The following ERICH5 variants were observed in gnomAD, a reference collection of about 807,000 sequenced individuals.
ERICH5 encodes the protein glutamate rich 5, also known as glutamate-rich protein 5.
A neutral mutation model predicts 28.0 loss-of-function variants in ERICH5; 24 were observed. That is an observed-to-expected ratio of 0.86 (90% CI 0.62 to 1.21). The LOEUF is 1.21. ERICH5 is among the 50% of genes most tolerant of loss of function. The pLI is 0.00. For synonymous variants in ERICH5, 163 were observed against 157.6 expected (o/e 1.03, Z -0.25); for missense variants, 421 against 441.2 (o/e 0.95, Z 0.41).
At chr8:98,085,384 C>G (rs1815257176) in intron 1 of ERICH5, among the ~76,000 whole-genome samples, 1 of 151,638 alleles carries the variant, frequency 6.6e-6, no homozygotes, top group African/African-American at 2.4e-5. Flanking sequence ...AGGATGGTCT[C>G]GATATCCTGA....
intron 1 of ERICH5, among the ~76,000 whole-genome samples, chr8:98,072,381 G>C (rs1814934487): frequency 6.6e-6 from 1 of 152,134 alleles, no homozygotes; most frequent in Non-Finnish European, 1.5e-5. Flanking sequence ...ATGCCTGTGA[G>C]CACAGCACTT....
intron 1 of ERICH5, among the ~76,000 whole-genome samples, chr8:98,077,960 A>G (rs1016380466): frequency 4.6e-5 from 7 of 152,356 alleles, no homozygotes; most frequent in Non-Finnish European, 7.3e-5. Flanking sequence ...CGAATTCTAG[A>G]TATGTAAATT....
intron 1 of ERICH5, among the ~76,000 whole-genome samples, chr8:98,077,033 C>A (rs1815067200): frequency 6.6e-6 from 1 of 151,814 alleles, no homozygotes; most frequent in South Asian, 2.1e-4. Context: ...AAGGCCAACG[C>A]AGGAGGATCG....
At position 98,066,768 on chromosome 8, in the gene ERICH5, T is replaced by A. The variant is rs7819387; in HGVS notation, c.58+2041T>A. Among the ~76,000 whole-genome samples, 1,141 of 152,346 alleles carry A rather than the reference T, an allele frequency of 7.5e-3. 8 individuals are homozygous for A. Among genetic ancestry groups the A allele is most frequent in the African/African-American group, 0.026 (1,070 of 41,568 alleles). ...TCGATCAAACAATACTCTCTTGTAA[T>A]TAGATACTATTCTGTGTTCATCAAC... On this transcript the variant is annotated intron_variant, in intron 1 of 2. Coordinates refer to ENST00000318528, the MANE Select transcript of ERICH5 (RefSeq NM_173549.3).
Position 98,089,280 on chromosome 8 carries a change from T to C in ERICH5, c.263T>C (p.Val88Ala). Reference protein sequence around the residue: ...PLQEQPLAKDVAPGRDATDQS... With the variant: ...PLQEQPLAKDAAPGRDATDQS... ...CAAGAACAGCCCCTGGCCAAGGACG[T>C]AGCCCCTGGAAGGGATGCCACAGAC... The change falls in exon 2 of 3, where the codon GTA becomes GCA. Residue 88 changes from valine to alanine, a missense_variant. By Grantham distance (64) the Val-to-Ala change is moderately conservative. Transcript: ENST00000318528. 1.2e-6 allele frequency: 2 copies of C among 1,614,172 alleles called. No individual in the cohort carries two copies. Among genetic ancestry groups the C allele is most frequent in the Non-Finnish European group, 1.7e-6 (2 of 1,180,018 alleles).
intron 1 of ERICH5, among the ~76,000 whole-genome samples, chr8:98,081,088 C>T (rs1815176332): frequency 6.7e-6 from 1 of 148,344 alleles, no homozygotes; most frequent in Non-Finnish European, 1.5e-5. Flanking sequence ...TAATTTCTTT[C>T]TCTCTCTCTC....
At position 98,093,405 on chromosome 8, in the gene ERICH5, A is replaced by G; in HGVS notation, c.*72A>G. 1.0e-6 allele frequency: 1 copy of G among 980,684 alleles called. No individual in the cohort carries two copies. Among genetic ancestry groups the G allele is most frequent in the South Asian group, 1.5e-5 (1 of 65,796 alleles). 60.7% of individuals were successfully genotyped at this position (980,684 alleles called of 1,614,324 possible). A position where few individuals can be genotyped will look rare whatever the true frequency, so the allele number is the denominator to read the frequency against. ...ATGGTAGTGAAGCTTGTGGTTATGT[A>G]TCTTATCTTTCTACATTTACATGTT... is the stretch of plus-strand genomic sequence containing the variant. On this transcript the variant is annotated 3_prime_UTR_variant, in exon 3 of 3. Coordinates refer to ENST00000318528, the MANE Select transcript of ERICH5 (RefSeq NM_173549.3).
chr8:98,078,618 T>C (rs1480330352), intron 1 of ERICH5, among the ~76,000 whole-genome samples: 1 of 152,232 alleles, frequency 6.6e-6, no homozygotes, highest in Non-Finnish European at 1.5e-5. Context: ...TTAGTTCTAA[T>C]CCCTTCTGTA....
intron 1 of ERICH5, among the ~76,000 whole-genome samples, chr8:98,080,773 G>GCTCACTACAACCTCTGC (rs1815169372): frequency 7.0e-6 from 1 of 142,674 alleles, no homozygotes; most frequent in Non-Finnish European, 1.5e-5. Context: ...CATGATCTTG[G>GCTCACTACAACCTCTGC]CTCACTACAA....
intron 1 of ERICH5, among the ~76,000 whole-genome samples, chr8:98,081,073 C>T (rs1815175576): frequency 6.6e-6 from 1 of 151,606 alleles, no homozygotes; most frequent in Non-Finnish European, 1.5e-5. Flanking sequence ...TCTGTTTGTA[C>T]ATCATAATTT....
chr8:98,089,633 C>A lies in ERICH5; in HGVS notation c.616C>A (p.Gln206Lys), dbSNP rs1815345562. The part of the protein sequence containing the change: ...TLQIAGELQP[Q>K]GTVGKDEQAP... ...GCAAATAGCTGGAGAGCTACAACCT[C>A]AGGGCACAGTGGGAAAGGATGAGCA... Residue 206 changes from glutamine to lysine, a missense_variant, in exon 2 of 3, where the codon CAG becomes AAG. Physicochemically the swap from Gln to Lys is moderately conservative, Grantham distance 53. Transcript: ENST00000318528. The A allele has an allele frequency of 6.2e-7, 1 of 1,614,170 alleles. No homozygotes were observed. The highest frequency in any genetic ancestry group is 1.3e-5 in the African/African-American group (1 of 75,052).
chr8:98,079,977 C>G (rs1815146219), intron 1 of ERICH5, among the ~76,000 whole-genome samples: 1 of 152,186 alleles, frequency 6.6e-6, no homozygotes, highest in South Asian at 2.1e-4. Flanking sequence ...GTTAGCTTTT[C>G]TGTTGCTAAT....
chr8:98,079,323 A>G (rs1815129242), intron 1 of ERICH5, among the ~76,000 whole-genome samples: 1 of 151,860 alleles, frequency 6.6e-6, no homozygotes, highest in Non-Finnish European at 1.5e-5. Context: ...GGTGCATGCC[A>G]CCATGCCCAG....
chr8:98,070,678 A>AAAAAAAAAAAAAAAAAAAAAAG (rs1814899580), intron 1 of ERICH5, among the ~76,000 whole-genome samples: 1 of 142,900 alleles, frequency 7.0e-6, no homozygotes, highest in Non-Finnish European at 1.5e-5. Context: ...AAAAAAAAAA[A>AAAAAAAAAAAAAAAAAAAAAAG]AAAAGAAAAG....
intron 1 of ERICH5, among the ~76,000 whole-genome samples, chr8:98,076,505 C>T (rs1815058489): frequency 6.6e-6 from 1 of 151,818 alleles, no homozygotes; most frequent in African/African-American, 2.4e-5. Flanking sequence ...GTGGAGCTCA[C>T]TTAAACCAGC....
At chr8:98,087,841 G>A (rs1815308937) in intron 1 of ERICH5, among the ~76,000 whole-genome samples, 1 of 151,610 alleles carries the variant, frequency 6.6e-6, no homozygotes, top group Non-Finnish European at 1.5e-5. Context: ...TTTTTTCATG[G>A]TATAATAATA....
At chr8:98,077,333 CTCCTT>C (rs984863999) in intron 1 of ERICH5, among the ~76,000 whole-genome samples, 7 of 152,292 alleles carry the variant, frequency 4.6e-5, no homozygotes, top group African/African-American at 1.4e-4. Context: ...TCCTTCCTGT[CTCCTT>C]TCCTTGTTCA....
chr8:98,066,917 A>C (rs752898543), intron 1 of ERICH5, among the ~76,000 whole-genome samples: 1 of 152,234 alleles, frequency 6.6e-6, no homozygotes, highest in Non-Finnish European at 1.5e-5. Context: ...AAAACAGTTC[A>C]AGTTTATTAC....
intron 1 of ERICH5, among the ~76,000 whole-genome samples, chr8:98,079,074 T>G (rs1815116922): frequency 6.6e-6 from 1 of 151,890 alleles, no homozygotes; most frequent in Admixed American, 6.6e-5. Flanking sequence ...AGCCACCAAG[T>G]TGTGCTTAAT....
Sources: gnomAD v4.1 joint callset for allele counts (sites outside exome capture counted in the v4.1 genomes callset) on GRCh38, gnomAD v4.1.1 for gene constraint, MANE v1.5 for transcripts, NCBI Gene and HGNC (gene_info 2026-07-23, HGNC 2026-07-21) for gene names.